Variants in ST6GALNAC3 observed in about 807,000 individuals in gnomAD.
ST6GALNAC3 encodes the protein ST6 N-acetylgalactosaminide alpha-2,6-sialyltransferase 3.
A neutral mutation model predicts 32.7 loss-of-function variants in ST6GALNAC3; 25 were observed. The observed-to-expected ratio is 0.76, with a 90% CI of 0.56 to 1.07. ST6GALNAC3 has a LOEUF of 1.07. Among genes scored for constraint, ST6GALNAC3 ranks in the 50% least tolerant of loss-of-function variants. ST6GALNAC3 has a pLI of 0.00. For missense variants in ST6GALNAC3, 355 were observed against 382.4 expected, an observed-to-expected ratio of 0.93 and a Z score of 0.60; for synonymous variants, 129 against 133.1, an observed-to-expected ratio of 0.97 and a Z score of 0.21.
intron 1 of ST6GALNAC3, among the ~76,000 whole-genome samples, chr1:76,292,313 G>A (rs1660143492): frequency 6.6e-6 from 1 of 152,074 alleles, no homozygotes; most frequent in African/African-American, 2.4e-5. Flanking sequence ...TCAGTAGAGT[G>A]GGAAATGATA....
chr1:76,593,723 A>ACTC (rs1211129213), intron 3 of ST6GALNAC3, among the ~76,000 whole-genome samples: 2 of 151,858 alleles, frequency 1.3e-5, no homozygotes, highest in East Asian at 3.9e-4. Context: ...TTGAGTGCCT[A>ACTC]CTCCTTGTGA....
intron 3 of ST6GALNAC3, among the ~76,000 whole-genome samples, chr1:76,578,435 C>T (rs1468929833): frequency 2.6e-5 from 4 of 151,956 alleles, no homozygotes; most frequent in South Asian, 2.1e-4. Flanking sequence ...TTAATTTCAT[C>T]GGGCTAGCAT....
intron 1 of ST6GALNAC3, chr1:76,305,818 G>A (rs1170009602): frequency 4.2e-6 from 2 of 473,594 alleles, no homozygotes; most frequent in Non-Finnish European, 8.4e-6. Context: ...CAGTTTTCCA[G>A]ACAAAGAAAT....
rs560644801 is a variant in ST6GALNAC3, at chr1:76,596,054, C to A, written c.624-31398C>A. On this transcript the variant is annotated intron_variant, in intron 3 of 4. Coordinates refer to ENST00000328299, the MANE Select transcript of ST6GALNAC3 (RefSeq NM_152996.4). ...ATAAGCTCCCCAGGTGACTATAATG[C>A]GCGGCCAAGGCTGGGAACCACTGCA... is the stretch of plus-strand genomic sequence containing the variant. Among the ~76,000 whole-genome samples, 3 of 152,178 alleles carry A rather than the reference C, an allele frequency of 2.0e-5. No individual in the cohort carries two copies. The East Asian group carries it at 5.8e-4, about 30-fold the overall frequency.
intron 3 of ST6GALNAC3, among the ~76,000 whole-genome samples, chr1:76,548,353 G>A (rs943955468): frequency 6.6e-6 from 1 of 152,152 alleles, no homozygotes; most frequent in Non-Finnish European, 1.5e-5. Context: ...TAATTCACTT[G>A]CTTGAAGTCC....
At chr1:76,222,477 G>A (rs1018580758) in intron 1 of ST6GALNAC3, among the ~76,000 whole-genome samples, 9 of 152,088 alleles carry the variant, frequency 5.9e-5, no homozygotes, top group African/African-American at 1.9e-4. Flanking sequence ...TACAGAATGG[G>A]AGATAATATT....
chr1:76,202,797 A>G (rs1311020583), intron 1 of ST6GALNAC3, among the ~76,000 whole-genome samples: 6 of 152,182 alleles, frequency 3.9e-5, no homozygotes, highest in Admixed American at 2.6e-4. Flanking sequence ...TTTTCAATGT[A>G]CTGATTTGCT....
At chr1:76,532,192 G>A (rs188578406) in intron 3 of ST6GALNAC3, among the ~76,000 whole-genome samples, 48 of 152,204 alleles carry the variant, frequency 3.2e-4, no homozygotes, top group Non-Finnish European at 5.6e-4. Flanking sequence ...TTATAGCTAC[G>A]TAGGAAACTT....
intron 3 of ST6GALNAC3, among the ~76,000 whole-genome samples, chr1:76,529,784 C>G (rs1005925160): frequency 1.3e-5 from 2 of 152,196 alleles, no homozygotes; most frequent in Non-Finnish European, 2.9e-5. Context: ...GTTCCAAACT[C>G]TGGTTTAACC....
chr1:76,363,740 G>A (rs1156375606), intron 2 of ST6GALNAC3, among the ~76,000 whole-genome samples: 1 of 152,056 alleles, frequency 6.6e-6, no homozygotes, highest in Non-Finnish European at 1.5e-5. Flanking sequence ...TCTGCTTCTG[G>A]GGAGGCCTCA....
chr1:76,282,721 T>A (rs1659564292), intron 1 of ST6GALNAC3, among the ~76,000 whole-genome samples: 1 of 152,086 alleles, frequency 6.6e-6, no homozygotes. Flanking sequence ...ACCCACTGTA[T>A]AAAACCCATA....
intron 2 of ST6GALNAC3, among the ~76,000 whole-genome samples, chr1:76,410,596 A>C (rs1190788336): frequency 6.6e-6 from 1 of 152,106 alleles, no homozygotes; most frequent in Non-Finnish European, 1.5e-5. Context: ...CTATGAGAAC[A>C]GGAGTTTTTG....
At chr1:76,280,333 T>G (rs997316422) in intron 1 of ST6GALNAC3, among the ~76,000 whole-genome samples, 2 of 152,212 alleles carry the variant, frequency 1.3e-5, no homozygotes, top group African/African-American at 4.8e-5. Flanking sequence ...AGTACAGAAA[T>G]TCTGGTGACT....
chr1:76,217,126 C>T (rs537970085), intron 1 of ST6GALNAC3, among the ~76,000 whole-genome samples: 2 of 152,228 alleles, frequency 1.3e-5, no homozygotes, highest in African/African-American at 4.8e-5. Context: ...ATAGTACCCT[C>T]TAACTCCCTG....
At chr1:76,103,268 T>A (rs894625803) in intron 1 of ST6GALNAC3, among the ~76,000 whole-genome samples, 8 of 152,098 alleles carry the variant, frequency 5.3e-5, no homozygotes, top group African/African-American at 9.7e-5. Flanking sequence ...CAGGCATCAT[T>A]CATCTTGTCA....
At chr1:76,340,806 C>G (rs947875304) in intron 2 of ST6GALNAC3, among the ~76,000 whole-genome samples, 1 of 152,018 alleles carries the variant, frequency 6.6e-6, no homozygotes, top group Non-Finnish European at 1.5e-5. Context: ...GAGAAGACAC[C>G]TCTCAGAATC....
At chr1:76,620,479 G>A (rs541989579) in intron 3 of ST6GALNAC3, among the ~76,000 whole-genome samples, 23 of 152,062 alleles carry the variant, frequency 1.5e-4, no homozygotes, top group South Asian at 6.2e-4. Flanking sequence ...TCACAGTTTC[G>A]GGAGCTTGAA....
intron 3 of ST6GALNAC3, among the ~76,000 whole-genome samples, chr1:76,465,366 G>A (rs7544496): frequency 0.17 from 25,333 of 152,064 alleles, 2,299 homozygotes; most frequent in African/African-American, 0.23. Flanking sequence ...TTCACAGTAG[G>A]TTAAGGACTG....
At chr1:76,555,235 C>G (rs1664849093) in intron 3 of ST6GALNAC3, among the ~76,000 whole-genome samples, 1 of 152,056 alleles carries the variant, frequency 6.6e-6, no homozygotes, top group South Asian at 2.1e-4. Context: ...AGGAAGATTA[C>G]AATCTAATCA....
Sources: allele counts gnomAD v4.1 joint callset (sites outside exome capture counted in the v4.1 genomes callset), GRCh38; gene constraint gnomAD v4.1.1; transcripts MANE v1.5; gene names NCBI Gene and HGNC (gene_info 2026-07-23, HGNC 2026-07-21).